NUP205: variants seen among roughly 807,000 people sequenced by gnomAD.
The protein encoded by NUP205 is nucleoporin 205, also known as nuclear pore complex protein Nup205.
Under a neutral mutation model 253.8 loss-of-function variants are expected in NUP205, and 76 were observed. That is an observed-to-expected ratio of 0.30 (90% confidence interval 0.25 to 0.36). The LOEUF is 0.36. Ranked by LOEUF, NUP205 falls within the 10% of genes least tolerant of loss-of-function variation. The pLI, the probability that NUP205 is intolerant of heterozygous loss-of-function variation, is 1.00. For missense variants in NUP205, 2,162 were observed against 2,425.5 expected (o/e 0.89, Z 2.28); for synonymous variants, 832 against 850.1 (o/e 0.98, Z 0.37).
At chr7:135,575,164 CAATT>C (rs1468483812) in intron 3 of NUP205, among the ~76,000 whole-genome samples, 1 of 152,108 alleles carries the variant, frequency 6.6e-6, no homozygotes, top group Non-Finnish European at 1.5e-5. Flanking sequence ...TATTTTGACA[CAATT>C]AAGTACAATT....
At chr7:135,588,404 G>C (rs572546680) in intron 10 of NUP205, among the ~76,000 whole-genome samples, 1 of 150,716 alleles carries the variant, frequency 6.6e-6, no homozygotes, top group African/African-American at 2.4e-5. Context: ...CCCTCCCAAC[G>C]TGCTGGATTT....
intron 17 of NUP205, 54 bp from the exon 18 acceptor site, chr7:135,602,751 C>A (rs2129490590): frequency 7.3e-7 from 1 of 1,360,612 alleles, no homozygotes; most frequent in South Asian, 1.3e-5. Context: ...TAAGAATTGA[C>A]TGTGAGTTTT....
chr7:135,563,378 G>A (rs112119108), intron 1 of NUP205, among the ~76,000 whole-genome samples: 15 of 151,826 alleles, frequency 9.9e-5, no homozygotes, highest in Admixed American at 3.3e-4. Flanking sequence ...TGGTAGAGAC[G>A]GGGTTTCGCT....
intron 1 of NUP205, among the ~76,000 whole-genome samples, chr7:135,566,613 T>C (rs1242714672): frequency 6.6e-6 from 1 of 152,228 alleles, no homozygotes; most frequent in Admixed American, 6.5e-5. Flanking sequence ...ATCAAAGACC[T>C]GACGCTTTGC....
intron 2 of NUP205, among the ~76,000 whole-genome samples, chr7:135,572,942 CT>C (rs1186445399): frequency 0.08 from 11,013 of 137,356 alleles, 542 homozygotes; most frequent in African/African-American, 0.15. Context: ...TGCTTTTTAG[CT>C]TTTTTTTTTT....
rs199914185 is a variant in NUP205, at chr7:135,606,884, A to T, written c.3039A>T (p.Lys1013Asn). 8.4e-4 allele frequency: 1,351 copies of T among 1,614,016 alleles called. 18 individuals carry two copies. In the South Asian group the frequency reaches 0.012, roughly 14 times the overall value. ...ACCTGTTGGGCTTTGAATTGAAAAAACCTGTCAGTACTACAAACCTACAAG... is the reference window on the plus strand; with the variant it reads ...ACCTGTTGGGCTTTGAATTGAAAAATCCTGTCAGTACTACAAACCTACAAG... ...ALYLLGFELK[K>N]PVSTTNLQDP... The change falls in exon 21 of 43, where the codon AAA becomes AAT. Residue 1013 changes from lysine (K) to asparagine (N), a missense_variant. Physicochemically the swap from Lys to Asn is moderately conservative, Grantham distance 94. Transcript: ENST00000285968.
intron 12 of NUP205, among the ~76,000 whole-genome samples, 177 bp from the exon 13 acceptor site, chr7:135,594,370 G>A (rs1451695872): frequency 6.6e-6 from 1 of 152,122 alleles, no homozygotes; most frequent in Non-Finnish European, 1.5e-5. Flanking sequence ...TCGAATAAAT[G>A]AGTGATCTGA....
chr7:135,594,822 TA>T lies in NUP205; in HGVS notation c.2013+94del, dbSNP rs1250561492. 5 of 962,002 alleles carry T rather than the reference TA, an allele frequency of 5.2e-6. No individual in the cohort carries two copies. The African/African-American group carries it at 8.2e-5, about 16-fold the overall frequency. The allele number at this position is 962,002 out of a possible 1,614,324, so 59.6% of individuals were successfully genotyped here. On this transcript the variant is annotated intron_variant, in intron 13 of 42. Coordinates refer to ENST00000285968, the MANE Select transcript of NUP205 (RefSeq NM_015135.3). The stretch of plus-strand genomic sequence containing the variant: ...AGCAAGAACATGCAATTGGAACTTA[TA>T]GTATATCATGAACATCCCAACTAGA...
chr7:135,617,718 C>A (rs1286384740), intron 27 of NUP205, 36 bp downstream of exon 27: 1 of 1,352,086 alleles, frequency 7.4e-7, no homozygotes, highest in East Asian at 2.3e-5. Context: ...TTTCAAACTT[C>A]TAACTACTTA....
At chr7:135,622,117 CAATA>C (rs948372017) in intron 30 of NUP205, among the ~76,000 whole-genome samples, 2 of 149,740 alleles carry the variant, frequency 1.3e-5, no homozygotes, top group Non-Finnish European at 3.0e-5. Flanking sequence ...TAAAAGATCT[CAATA>C]AAAGATAAAA....
chr7:135,633,056 A>G (rs1794745160), intron 35 of NUP205, among the ~76,000 whole-genome samples: 1 of 151,860 alleles, frequency 6.6e-6, no homozygotes, highest in African/African-American at 2.4e-5. Context: ...GCCTCGACCT[A>G]CCTGGCTCAA....
At chr7:135,635,683 A>G in intron 36 of NUP205, 26 bp downstream of exon 36, 1 of 1,337,148 alleles carries the variant, frequency 7.5e-7, no homozygotes. Context: ...TTCTTTAAAT[A>G]GCAGTTATAA....
intron 34 of NUP205, among the ~76,000 whole-genome samples, chr7:135,628,391 A>T (rs1794638352): frequency 6.6e-6 from 1 of 152,180 alleles, no homozygotes. Flanking sequence ...AGTTATTGTG[A>T]TAGGAGTAAG....
intron 22 of NUP205, 151 bp downstream of exon 22, chr7:135,607,522 G>A (rs1395893771): frequency 1.1e-5 from 9 of 846,286 alleles, no homozygotes; most frequent in South Asian, 2.0e-5. Flanking sequence ...GATAAAATCC[G>A]TAAAGCACAA....
chr7:135,619,766 T>C, intron 29 of NUP205, 24 bp from the exon 30 acceptor site: 1 of 1,598,008 alleles, frequency 6.3e-7, no homozygotes, highest in Non-Finnish European at 8.5e-7. Context: ...AGATTTTCAT[T>C]TGACATCTTC....
At chr7:135,612,986 T>A (rs183520844) in intron 22 of NUP205, among the ~76,000 whole-genome samples, 8 of 152,210 alleles carry the variant, frequency 5.3e-5, no homozygotes, top group African/African-American at 1.9e-4. Context: ...CTCAGAAGGC[T>A]GAGCTGGGAG....
chr7:135,637,992 T>A lies in NUP205; in HGVS notation c.5198T>A (p.Phe1733Tyr), dbSNP rs1256352633. Residue 1733 changes from phenylalanine (F) to tyrosine (Y), a missense_variant, in exon 37 of 43, where the codon TTT becomes TAT. Around this residue, in one of 5 missense-constraint regions of NUP205, gnomAD observed 1,144 missense variants for 1,280.9 expected, o/e 0.89. Coordinates refer to ENST00000285968, the MANE Select transcript of NUP205 (RefSeq NM_015135.3). ...GGSDRLRQFK[F>Y]QDDNVEGDKV... The stretch of plus-strand genomic sequence containing the variant: ...TCTGACAGACTGCGTCAGTTTAAAT[T>A]TCAAGACGATAATGTGGAGGGAGAT... The A allele has an allele frequency of 6.2e-7, 1 of 1,614,124 alleles. No individual in the cohort carries two copies.
At chr7:135,631,910 T>G (rs1005824682) in intron 35 of NUP205, among the ~76,000 whole-genome samples, 1 of 151,972 alleles carries the variant, frequency 6.6e-6, no homozygotes, top group Non-Finnish European at 1.5e-5. Context: ...CCACCACGCC[T>G]GGCTAATTTT....
intron 39 of NUP205, 65 bp from the exon 40 acceptor site, chr7:135,644,827 ATAG>A (rs1288332735): frequency 6.9e-7 from 1 of 1,454,286 alleles, no homozygotes; most frequent in African/African-American, 1.4e-5. Flanking sequence ...TGACCTGCTG[ATAG>A]TAGTTTTTCA....
Sources: gnomAD v4.1 joint callset for allele counts (sites outside exome capture counted in the v4.1 genomes callset) on GRCh38, gnomAD v4.1.1 for gene constraint, gnomAD v4.1.1 regional missense constraint, MANE v1.5 for transcripts, NCBI Gene and HGNC (gene_info 2026-07-23, HGNC 2026-07-21) for gene names.